The following DUS2 variants were observed in gnomAD, a reference collection of about 807,000 sequenced individuals.
DUS2 encodes the protein dihydrouridine synthase 2, also known as tRNA-dihydrouridine(20) synthase [NAD(P)+]-like.
Under a neutral mutation model 71.3 loss-of-function variants are expected in DUS2, and 52 were observed. That is an observed-to-expected ratio of 0.73 (90% CI 0.58 to 0.92). The LOEUF is 0.92. Among genes scored for constraint, DUS2 ranks in the 40% least tolerant of loss-of-function variants. DUS2 has a pLI of 0.00. For missense variants in DUS2, 558 were observed against 622.6 expected, an observed-to-expected ratio of 0.90 and a Z score of 1.10; for synonymous variants, 204 against 227.8, an observed-to-expected ratio of 0.90 and a Z score of 0.94.
rs1271541727 is a variant in DUS2 at position 68,071,085 on chromosome 16, G to T, written c.787G>T (p.Val263Phe). 35 of 1,614,194 alleles carry T rather than the reference G, an allele frequency of 2.2e-5. No individual in the cohort carries two copies. The highest frequency in any genetic ancestry group is 2.9e-5 in the Non-Finnish European group (34 of 1,180,034). ...LKEGLRPLEE[V>F]MQKYIRYAVQ... The stretch of plus-strand genomic sequence containing the variant: ...GGAGGGTCTGCGGCCCCTGGAGGAG[G>T]TCATGCAGAAATACATCAGATACGT... Residue 263 changes from valine to phenylalanine, a missense_variant, in exon 12 of 17, where the codon GTC becomes TTC. By Grantham distance (50) the Val-to-Phe change is conservative. Coordinates refer to ENST00000565263, the MANE Select transcript of DUS2 (RefSeq NM_017803.5).
intron 13 of DUS2, 88 bp from the exon 14 acceptor site, chr16:68,075,267 T>G: frequency 1.5e-6 from 2 of 1,333,250 alleles, no homozygotes; most frequent in Non-Finnish European, 2.0e-6. Flanking sequence ...GTAGAGGAGT[T>G]TCTCAGTGGT....
At position 68,078,492 on chromosome 16, in the gene DUS2, T is replaced by C. The variant is rs1281440671; in HGVS notation, c.1218T>C (p.Ala406=). The C allele has an allele frequency of 6.2e-7, 1 of 1,614,162 alleles. No individual in the cohort carries two copies. The highest frequency in any genetic ancestry group is 1.1e-5 in the South Asian group (1 of 91,088). Residue 406 remains alanine, a synonymous_variant, in exon 16 of 17, where the codon GCT becomes GCC. Transcript: ENST00000565263. The part of the protein sequence containing the change: ...DRLFSSIVTV[A]EQKYQSTLWD... ...TGTTCTCCTCTATTGTCACCGTTGC[T>C]GAACAAAAGTATCAGTCTACCTTGT... is the stretch of plus-strand genomic sequence containing the variant.
intron 3 of DUS2, among the ~76,000 whole-genome samples, chr16:68,041,860 T>C (rs937892103): frequency 6.6e-6 from 1 of 152,110 alleles, no homozygotes; most frequent in African/African-American, 2.4e-5. Flanking sequence ...AGTTTTTTTT[T>C]TCTTATTGTG....
intron 15 of DUS2, among the ~76,000 whole-genome samples, chr16:68,076,934 G>C (rs1386665168): frequency 2.0e-5 from 3 of 150,570 alleles, no homozygotes; most frequent in Non-Finnish European, 4.4e-5. Context: ...TTTTGAAACA[G>C]AGTCTAATTT....
rs778026093 is a variant in DUS2, at chr16:68,038,167, T to C, written c.126+18T>C. The C allele has an allele frequency of 1.3e-5, 21 of 1,612,552 alleles. No individual in the cohort carries two copies. Among genetic ancestry groups the C allele is most frequent in the Non-Finnish European group, 1.7e-5 (20 of 1,179,424 alleles). ...ACTGTGAGGTAAGGGGCTCTGATTT[T>C]CTGGGTGGGCTTCTCCACAAGTACA... On this transcript the variant is annotated intron_variant, in intron 3 of 16. Coordinates refer to ENST00000565263, the MANE Select transcript of DUS2 (RefSeq NM_017803.5).
At chr16:68,054,534 G>C (rs1004233950) in intron 5 of DUS2, 40 bp from the exon 6 acceptor site, 3 of 1,613,202 alleles carry the variant, frequency 1.9e-6, no homozygotes, top group Non-Finnish European at 2.5e-6. Flanking sequence ...ATGTGTATCT[G>C]TGTCAGGGCA....
intron 6 of DUS2, 40 bp downstream of exon 6, chr16:68,054,657 C>G (rs1292204489): frequency 6.2e-7 from 1 of 1,612,814 alleles, no homozygotes; most frequent in Non-Finnish European, 8.5e-7. Flanking sequence ...CTTTGCCTCT[C>G]CTTTGAGCTG....
intron 6 of DUS2, 94 bp from the exon 7 acceptor site, chr16:68,056,270 G>A: frequency 9.5e-7 from 1 of 1,055,336 alleles, no homozygotes; most frequent in Non-Finnish European, 1.4e-6. Flanking sequence ...GACAGGGTAA[G>A]AGGTTCATGA....
At position 68,054,426 on chromosome 16, in the gene DUS2, G is replaced by C; in HGVS notation, c.265-148G>C. On this transcript the variant is annotated intron_variant, in intron 5 of 16. Coordinates refer to ENST00000565263, the MANE Select transcript of DUS2 (RefSeq NM_017803.5). ...TTTCTGCTGGCAGTGAGCTAGTCTA[G>C]TGGGCTGGCTGTTTAAGAGAAAGCC... is the stretch of plus-strand genomic sequence containing the variant. 2 of 798,250 alleles carry C rather than the reference G, an allele frequency of 2.5e-6. 1 individual carries two copies. Among genetic ancestry groups the C allele is most frequent in the South Asian group, 3.1e-5 (2 of 64,856 alleles). The allele number at this position is 798,250 out of a possible 1,614,324, so 49.4% of individuals were successfully genotyped here.
chr16:68,052,096 A>C (rs2033786860), intron 4 of DUS2, among the ~76,000 whole-genome samples: 1 of 151,438 alleles, frequency 6.6e-6, no homozygotes, highest in Non-Finnish European at 1.5e-5. Flanking sequence ...TAGAGACTTG[A>C]GTTTCACCAT....
rs117555212 is a variant in DUS2 at position 68,060,889 on chromosome 16, G to A, written c.370-177G>A. On this transcript the variant is annotated intron_variant, in intron 7 of 16. Coordinates refer to ENST00000565263, the MANE Select transcript of DUS2 (RefSeq NM_017803.5). The stretch of plus-strand genomic sequence containing the variant: ...AAATTATCACACTTCAGTCCCAGAT[G>A]TTATGGGCACAGATACTGCTGCCCT... Among the ~76,000 whole-genome samples the A allele has an allele frequency of 9.7e-3, 1,483 of 152,230 alleles. 16 individuals carry two copies. The highest frequency in any genetic ancestry group is 0.017 in the Middle Eastern group (5 of 294).
chr16:68,057,000 TATATA>T (rs2033864392), intron 7 of DUS2, among the ~76,000 whole-genome samples: 1 of 140,060 alleles, frequency 7.1e-6, no homozygotes, highest in African/African-American at 2.6e-5. Flanking sequence ...AATATATAAA[TATATA>T]ATATATAATT....
At chr16:68,055,661 G>A (rs145563865) in intron 6 of DUS2, among the ~76,000 whole-genome samples, 189 of 152,088 alleles carry the variant, frequency 1.2e-3, no homozygotes, top group Non-Finnish European at 1.8e-3. Context: ...AATAATGCCT[G>A]TAAATGTCTT....
rs2285912 is a variant in DUS2, at chr16:68,066,558, C to G, written c.484-8C>G. 6.2e-7 allele frequency: 1 copy of G among 1,613,864 alleles called. No homozygotes were observed. The highest frequency in any genetic ancestry group is 2.2e-5 in the East Asian group (1 of 44,870). ...TCAGTAACCATCCTGTGTGGTCCTC[C>G]TCCTCAGCTAGAAGATACCCTGAGC... On this transcript the variant is annotated splice_region_variant and splice_polypyrimidine_tract_variant and intron_variant, in intron 9 of 16. Coordinates refer to ENST00000565263, the MANE Select transcript of DUS2 (RefSeq NM_017803.5).
intron 7 of DUS2, among the ~76,000 whole-genome samples, chr16:68,058,962 A>G (rs765724573): frequency 7.9e-5 from 12 of 152,234 alleles, no homozygotes; most frequent in Non-Finnish European, 1.8e-4. Context: ...CTGTAATCCC[A>G]GCACTTTGGG....
intron 3 of DUS2, among the ~76,000 whole-genome samples, chr16:68,041,198 C>T (rs1251024797): frequency 6.6e-6 from 1 of 152,086 alleles, no homozygotes. Context: ...TGCACTCCAG[C>T]CTGGGCGACA....
At chr16:68,064,226 G>A (rs1039902498) in intron 8 of DUS2, among the ~76,000 whole-genome samples, 7 of 152,182 alleles carry the variant, frequency 4.6e-5, no homozygotes, top group Non-Finnish European at 8.8e-5. Context: ...CTCAAATATG[G>A]ACTTGTCTCT....
intron 3 of DUS2, among the ~76,000 whole-genome samples, chr16:68,044,370 G>GTCTTTA (rs1241809881): frequency 6.7e-6 from 1 of 150,018 alleles, no homozygotes; most frequent in Non-Finnish European, 1.5e-5. Flanking sequence ...AACATGAGAT[G>GTCTTTA]TCTTTATTTA....
intron 6 of DUS2, 90 bp downstream of exon 6, chr16:68,054,707 C>T (rs549112175): frequency 7.6e-6 from 11 of 1,446,284 alleles, no homozygotes; most frequent in South Asian, 6.9e-5. Context: ...GGTGACTCAC[C>T]CTTCTGCCTT....
Sources: allele counts gnomAD v4.1 joint callset (sites outside exome capture counted in the v4.1 genomes callset), GRCh38; gene constraint gnomAD v4.1.1; transcripts MANE v1.5; gene names NCBI Gene and HGNC (gene_info 2026-07-23, HGNC 2026-07-21).